Variants in INPP4B observed in about 807,000 individuals in gnomAD.
INPP4B encodes the protein inositol polyphosphate-4-phosphatase type II B.
Under a neutral mutation model 122.5 loss-of-function variants are expected in INPP4B, and 55 were observed. That is an observed-to-expected ratio of 0.45 (90% CI 0.36 to 0.56). The LOEUF is 0.56. Among genes scored for constraint, INPP4B ranks in the 20% least tolerant of loss-of-function variants. The pLI is 0.00. For missense variants in INPP4B, 1,000 were observed against 1,097.7 expected, an observed-to-expected ratio of 0.91 and a Z score of 1.26; for synonymous variants, 403 against 388.7, an observed-to-expected ratio of 1.04 and a Z score of -0.43.
chr4:142,645,443 A>G (rs558685662), intron 2 of INPP4B, among the ~76,000 whole-genome samples: 35 of 152,286 alleles, frequency 2.3e-4, no homozygotes, highest in African/African-American at 8.2e-4. Flanking sequence ...TTAGCTGGAT[A>G]TGTGCCTTTC....
intron 25 of INPP4B, among the ~76,000 whole-genome samples, chr4:142,053,397 C>T (rs1191169462): frequency 6.6e-6 from 1 of 152,098 alleles, no homozygotes; most frequent in Non-Finnish European, 1.5e-5. Flanking sequence ...GAGGCTGGAT[C>T]TACCAAAAAC....
At chr4:142,716,024 A>G (rs1763712185) in intron 2 of INPP4B, among the ~76,000 whole-genome samples, 1 of 152,190 alleles carries the variant, frequency 6.6e-6, no homozygotes, top group African/African-American at 2.4e-5. Flanking sequence ...CAAGTGTCCC[A>G]AAAAAGAGAG....
intron 1 of INPP4B, among the ~76,000 whole-genome samples, chr4:142,749,651 A>G (rs1266794326): frequency 6.6e-6 from 1 of 151,986 alleles, no homozygotes; most frequent in Non-Finnish European, 1.5e-5. Context: ...GTATAAGATA[A>G]AAATTAATAG....
chr4:142,563,784 C>T (rs749585336), intron 2 of INPP4B, among the ~76,000 whole-genome samples: 1 of 152,096 alleles, frequency 6.6e-6, no homozygotes, highest in Admixed American at 6.5e-5. Context: ...TTTCTGAGAA[C>T]CCGCCACCTC....
At chr4:142,507,551 G>C (rs1283015353) in intron 2 of INPP4B, among the ~76,000 whole-genome samples, 1 of 151,794 alleles carries the variant, frequency 6.6e-6, no homozygotes, top group African/African-American at 2.4e-5. Context: ...TACGTGTCAG[G>C]CCTTGGAAAT....
At chr4:142,671,969 A>T (rs1485674987) in intron 2 of INPP4B, among the ~76,000 whole-genome samples, 1 of 152,046 alleles carries the variant, frequency 6.6e-6, no homozygotes. Context: ...TTTCTGTCCT[A>T]TGGTTTTGTC....
chr4:142,464,613 GA>G (rs549262670), intron 2 of INPP4B, among the ~76,000 whole-genome samples: 273 of 143,416 alleles, frequency 1.9e-3, no homozygotes, highest in Middle Eastern at 0.015. Context: ...TAACTGTTAA[GA>G]AAAAAAAAAA....
intron 2 of INPP4B, among the ~76,000 whole-genome samples, chr4:142,563,014 C>T (rs1364223437): frequency 3.3e-5 from 5 of 152,158 alleles, no homozygotes; most frequent in African/African-American, 4.8e-5. Flanking sequence ...AGTAAAGAGG[C>T]CAAGGGACAT....
chr4:142,730,961 T>C, intron 1 of INPP4B, among the ~76,000 whole-genome samples: 1 of 85,332 alleles, frequency 1.2e-5, no homozygotes, highest in South Asian at 3.2e-4. Context: ...ACCAAGTTTT[T>C]TTTTAAATTT....
intron 3 of INPP4B, among the ~76,000 whole-genome samples, chr4:142,437,446 A>G (rs1810779821): frequency 6.6e-6 from 1 of 152,082 alleles, no homozygotes; most frequent in Non-Finnish European, 1.5e-5. Context: ...CAGCCCCAAG[A>G]CACATAATCA....
Position 142,028,115 on chromosome 4 carries a change from A to C in INPP4B, c.*667T>G, listed in dbSNP as rs951074851. 2 of 228,924 alleles carry C rather than the reference A, an allele frequency of 8.7e-6. No individual in the cohort carries two copies. Among genetic ancestry groups the C allele is most frequent in the Non-Finnish European group, 1.7e-5 (2 of 115,450 alleles). The allele number at this position is 228,924 out of a possible 1,614,324, so 14.2% of individuals were successfully genotyped here. Reference sequence around the variant, plus strand: ...CATTCACAGCTAGATCACACAACCCAAGTCAGAGTTCTGAAAAGATGCCAT... The same window carrying C: ...CATTCACAGCTAGATCACACAACCCCAGTCAGAGTTCTGAAAAGATGCCAT... On this transcript the variant is annotated 3_prime_UTR_variant, in exon 26 of 26. Transcript: ENST00000262992.
intron 2 of INPP4B, among the ~76,000 whole-genome samples, chr4:142,609,923 A>G (rs1351116197): frequency 6.6e-6 from 1 of 152,178 alleles, no homozygotes; most frequent in Non-Finnish European, 1.5e-5. Flanking sequence ...AGCACTTTCT[A>G]GATGATGGAT....
Position 142,754,784 on chromosome 4 carries a change from C to G in INPP4B, c.-253-28883G>C, listed in dbSNP as rs149642718. Among the ~76,000 whole-genome samples the G allele has an allele frequency of 2.5e-3, 375 of 151,890 alleles. 5 individuals carry two copies. The highest frequency in any genetic ancestry group is 0.019 in the East Asian group (96 of 5,156). On this transcript the variant is annotated intron_variant, in intron 1 of 25. Transcript: ENST00000262992. The stretch of plus-strand genomic sequence containing the variant: ...AATATGATGAGGTATTGAGAATAGG[C>G]GTCAGATAAAATTGCTTAATGATTC...
At chr4:142,610,179 A>G (rs1742170233) in intron 2 of INPP4B, among the ~76,000 whole-genome samples, 1 of 152,128 alleles carries the variant, frequency 6.6e-6, no homozygotes, top group Non-Finnish European at 1.5e-5. Flanking sequence ...GGTAGTAAAT[A>G]AGTCTCACGA....
At chr4:142,196,335 A>T (rs181659744) in intron 14 of INPP4B, among the ~76,000 whole-genome samples, 3 of 152,206 alleles carry the variant, frequency 2.0e-5, no homozygotes, top group Non-Finnish European at 2.9e-5. Context: ...AAATAATCCA[A>T]TTCCTAACTG....
At chr4:142,163,843 G>T (rs981684518) in intron 16 of INPP4B, among the ~76,000 whole-genome samples, 1 of 151,734 alleles carries the variant, frequency 6.6e-6, no homozygotes, top group Admixed American at 6.6e-5. Context: ...ATATCACTGA[G>T]TTGCCTACTG....
At chr4:142,449,514 C>T (rs566077825) in intron 3 of INPP4B, among the ~76,000 whole-genome samples, 4 of 151,936 alleles carry the variant, frequency 2.6e-5, no homozygotes, top group Non-Finnish European at 4.4e-5. Context: ...CCATCCTGGC[C>T]AACATGGTGA....
intron 7 of INPP4B, among the ~76,000 whole-genome samples, chr4:142,355,370 TC>T (rs1263298213): frequency 6.6e-6 from 1 of 151,866 alleles, no homozygotes; most frequent in African/African-American, 2.4e-5. Context: ...CTCTTTTTTT[TC>T]CCCCCACCAG....
chr4:142,560,772 C>G (rs1401807978), intron 2 of INPP4B: 4 of 152,238 alleles, frequency 2.6e-5, no homozygotes, highest in Admixed American at 2.6e-4. Flanking sequence ...TTAGACGGTG[C>G]CTACCCAGAT....
Sources: gnomAD v4.1 joint callset for allele counts (sites outside exome capture counted in the v4.1 genomes callset) on GRCh38, gnomAD v4.1.1 for gene constraint, MANE v1.5 for transcripts, NCBI Gene and HGNC (gene_info 2026-07-23, HGNC 2026-07-21) for gene names.